CPNE8: variants seen among roughly 807,000 people sequenced by gnomAD.
CPNE8 encodes copine 8, also known as copine-8.
In CPNE8, 45 loss-of-function variants were observed where a neutral mutation model predicts 81.5. The ratio of observed to expected loss-of-function variants is 0.55; its 90% confidence interval spans 0.44 to 0.71. CPNE8 has a LOEUF of 0.71. Ranked by LOEUF, CPNE8 falls within the 30% of genes least tolerant of loss-of-function variation. The pLI is 0.00. For synonymous variants in CPNE8, 252 were observed against 226.3 expected, an observed-to-expected ratio of 1.11 and a Z score of -1.02; for missense variants, 594 against 672.1, an observed-to-expected ratio of 0.88 and a Z score of 1.28.
chr12:38,660,909 T>C (rs1377336400), intron 19 of CPNE8, among the ~76,000 whole-genome samples: 1 of 152,154 alleles, frequency 6.6e-6, no homozygotes, highest in African/African-American at 2.4e-5. Flanking sequence ...CACAATGAGA[T>C]ACCATCTCAC....
chr12:38,859,356 G>T lies in CPNE8; in HGVS notation c.187-10694C>A, dbSNP rs954708219. On this transcript the variant is annotated intron_variant, in intron 3 of 19. Transcript: ENST00000331366. ...AATTTCTTTCTAACAGAATCAGAAA[G>T]AATAAAATACTTGGTAATAAACTTA... is the stretch of plus-strand genomic sequence containing the variant. Among the ~76,000 whole-genome samples the T allele has an allele frequency of 4.0e-5, 6 of 151,826 alleles. 1 individual carries two copies. The highest frequency in any genetic ancestry group is 2.0e-4 in the Admixed American group (3 of 15,244).
chr12:38,827,137 C>T (rs1042094153), intron 6 of CPNE8, among the ~76,000 whole-genome samples: 4 of 139,714 alleles, frequency 2.9e-5, no homozygotes, highest in African/African-American at 5.4e-5. Context: ...GCAGAGATTG[C>T]GCCTGGACAA....
chr12:38,754,272 T>G (rs1223821703), intron 10 of CPNE8, among the ~76,000 whole-genome samples: 1 of 152,172 alleles, frequency 6.6e-6, no homozygotes, highest in Non-Finnish European at 1.5e-5. Context: ...AATACCACTT[T>G]CAAAAATCCT....
chr12:38,744,749 T>C (rs1322147408), intron 10 of CPNE8, among the ~76,000 whole-genome samples: 1 of 48,690 alleles, frequency 2.1e-5, no homozygotes, highest in East Asian at 8.0e-4. Flanking sequence ...AAGTTATGCA[T>C]GCCTATCAGG....
intron 3 of CPNE8, among the ~76,000 whole-genome samples, chr12:38,850,633 C>T (rs889668188): frequency 3.3e-5 from 5 of 152,210 alleles, no homozygotes; most frequent in Non-Finnish European, 5.9e-5. Flanking sequence ...CTTCATATTG[C>T]TAAATCCAGT....
At chr12:38,822,615 G>C (rs1565635521) in intron 6 of CPNE8, among the ~76,000 whole-genome samples, 1 of 152,080 alleles carries the variant, frequency 6.6e-6, no homozygotes, top group Non-Finnish European at 1.5e-5. Context: ...TGGGTCTCAG[G>C]AATTTGATGC....
At chr12:38,759,610 A>G (rs553717056) in intron 10 of CPNE8, among the ~76,000 whole-genome samples, 2 of 152,350 alleles carry the variant, frequency 1.3e-5, no homozygotes, top group African/African-American at 4.8e-5. Context: ...ACTCTTTTTC[A>G]TAATAATGTT....
intron 6 of CPNE8, among the ~76,000 whole-genome samples, chr12:38,796,868 T>TA (rs956285672): frequency 3.3e-5 from 5 of 152,076 alleles, no homozygotes; most frequent in Non-Finnish European, 7.4e-5. Context: ...CCGACGGGCT[T>TA]AAAAAATGGC....
chr12:38,902,344 G>GAA (rs1227724370), intron 1 of CPNE8, among the ~76,000 whole-genome samples: 5 of 69,672 alleles, frequency 7.2e-5, no homozygotes, highest in African/African-American at 4.8e-4. Flanking sequence ...AAGAAAGAAA[G>GAA]AAAGAAAGAA....
rs561572636 is a variant in CPNE8, at chr12:38,781,328, A to C, written c.408-5027T>G. Among the ~76,000 whole-genome samples the C allele has an allele frequency of 2.0e-5, 3 of 152,178 alleles. No individual in the cohort carries two copies. The South Asian group carries it at 6.2e-4, about 32-fold the overall frequency. ...TACTGATGTAAATGTAAATGAACTA[A>C]ATGCTCCAGATTAAATGCAAATATT... is the stretch of plus-strand genomic sequence containing the variant. On this transcript the variant is annotated intron_variant, in intron 6 of 19. Transcript: ENST00000331366.
chr12:38,861,207 A>C (rs1355587580), intron 3 of CPNE8, among the ~76,000 whole-genome samples: 1 of 152,150 alleles, frequency 6.6e-6, no homozygotes, highest in East Asian at 1.9e-4. Flanking sequence ...AACAGCACAG[A>C]ATGGTGGGTG....
At chr12:38,717,429 G>GTGTGTATATATATATATATATA (rs770984926) in intron 13 of CPNE8, among the ~76,000 whole-genome samples, 1 of 87,052 alleles carries the variant, frequency 1.1e-5, no homozygotes, top group Admixed American at 1.5e-4. Context: ...AAAGTGTGGT[G>GTGTGTATATATATATATATATA]TATATATATA....
At chr12:38,662,417 A>G (rs1001035390) in intron 19 of CPNE8, among the ~76,000 whole-genome samples, 2 of 152,138 alleles carry the variant, frequency 1.3e-5, no homozygotes, top group Admixed American at 1.3e-4. Context: ...TAGCCAAAAA[A>G]ACTAGAAATA....
At chr12:38,702,221 T>C (rs1029582186) in intron 14 of CPNE8, among the ~76,000 whole-genome samples, 2 of 152,184 alleles carry the variant, frequency 1.3e-5, no homozygotes, top group Admixed American at 6.5e-5. Context: ...TGATGATACA[T>C]AATAACTAAT....
intron 13 of CPNE8, among the ~76,000 whole-genome samples, chr12:38,717,767 T>C (rs1940442439): frequency 6.6e-6 from 1 of 151,410 alleles, no homozygotes; most frequent in Non-Finnish European, 1.5e-5. Context: ...ACTAAAGAAC[T>C]TATCCATGCA....
intron 6 of CPNE8, among the ~76,000 whole-genome samples, chr12:38,811,757 A>G (rs2136988241): frequency 6.6e-6 from 1 of 152,274 alleles, no homozygotes; most frequent in Admixed American, 6.5e-5. Context: ...CTGTAGTCCT[A>G]GCTATTTGGG....
chr12:38,882,545 G>A (rs181246566), intron 1 of CPNE8, among the ~76,000 whole-genome samples: 1 of 152,288 alleles, frequency 6.6e-6, no homozygotes. Flanking sequence ...AGTACAGCCA[G>A]TAACACTGTC....
chr12:38,803,743 T>A (rs1381699390), intron 6 of CPNE8, among the ~76,000 whole-genome samples: 3 of 146,662 alleles, frequency 2.0e-5, no homozygotes, highest in Non-Finnish European at 4.5e-5. Context: ...ACGACATGAT[T>A]GTTTATCTAG....
intron 13 of CPNE8, among the ~76,000 whole-genome samples, chr12:38,710,288 A>AAAAAAAAAAC (rs1555145903): frequency 6.8e-6 from 1 of 148,100 alleles, no homozygotes; most frequent in Non-Finnish European, 1.5e-5. Context: ...AAAAAAAAAA[A>AAAAAAAAAAC]CCAACCCCAA....
Sources: allele counts gnomAD v4.1 joint callset (sites outside exome capture counted in the v4.1 genomes callset), GRCh38; gene constraint gnomAD v4.1.1; transcripts MANE v1.5; gene names NCBI Gene and HGNC (gene_info 2026-07-23, HGNC 2026-07-21).